The following BABAM2 variants were observed in gnomAD, a reference collection of about 807,000 sequenced individuals.
The protein encoded by BABAM2 is BRISC and BRCA1-A complex member 2.
Under a neutral mutation model 54.7 loss-of-function variants are expected in BABAM2, and 31 were observed. The ratio of observed to expected loss-of-function variants is 0.57; its 90% CI spans 0.43 to 0.77. BABAM2 has a LOEUF of 0.77. Among genes scored for constraint, BABAM2 ranks in the 30% least tolerant of loss-of-function variants. The pLI is 0.00. For synonymous variants in BABAM2, 167 were observed against 162.9 expected, an observed-to-expected ratio of 1.03 and a Z score of -0.19; for missense variants, 364 against 455.8, an observed-to-expected ratio of 0.80 and a Z score of 1.83.
intron 6 of BABAM2, among the ~76,000 whole-genome samples, chr2:28,051,068 T>G (rs565440629): frequency 1.3e-5 from 2 of 152,328 alleles, no homozygotes; most frequent in South Asian, 4.2e-4. Context: ...AAGAGCTATT[T>G]CCTTGGCCCC....
At chr2:28,167,092 A>C (rs1207948694) in intron 7 of BABAM2, among the ~76,000 whole-genome samples, 1 of 152,164 alleles carries the variant, frequency 6.6e-6, no homozygotes, top group Non-Finnish European at 1.5e-5. Context: ...GAGAAGATAA[A>C]CTTTTCAGGA....
At chr2:27,956,484 G>A (rs1473826539) in intron 3 of BABAM2, among the ~76,000 whole-genome samples, 1 of 152,188 alleles carries the variant, frequency 6.6e-6, no homozygotes, top group African/African-American at 2.4e-5. Flanking sequence ...AATTCTAGGA[G>A]CAAGAATCCT....
chr2:28,327,067 G>A (rs1335912059), intron 11 of BABAM2, among the ~76,000 whole-genome samples: 1 of 152,230 alleles, frequency 6.6e-6, no homozygotes, highest in Non-Finnish European at 1.5e-5. Context: ...TACGACCCAT[G>A]GGCTTTGCCC....
Position 28,304,692 on chromosome 2 carries a change from C to T in BABAM2, c.1088+6201C>T, listed in dbSNP as rs60183653. 0.53 allele frequency among the ~76,000 whole-genome samples: 80,772 copies of T among 151,954 alleles called. 21,735 individuals carry two copies. Among genetic ancestry groups the T allele is most frequent in the Middle Eastern group, 0.63 (186 of 294 alleles). ...CCAGGTTCTAGCAATTCTCCTGCTT[C>T]AGCCTCTTAAGTAGCTGGGACTACA... On this transcript the variant is annotated intron_variant, in intron 11 of 11. Transcript: ENST00000379624. The surrounding 1 kb of genome is among the most constrained non-coding windows in gnomAD (Gnocchi z 4.0).
intron 7 of BABAM2, among the ~76,000 whole-genome samples, chr2:28,156,992 A>C (rs1425951371): frequency 2.0e-5 from 3 of 152,234 alleles, no homozygotes; most frequent in Non-Finnish European, 2.9e-5. Context: ...TCTCTTTAGA[A>C]AACAAATGTA....
At chr2:27,973,981 C>A (rs1345984178) in intron 3 of BABAM2, among the ~76,000 whole-genome samples, 1 of 152,080 alleles carries the variant, frequency 6.6e-6, no homozygotes, top group Non-Finnish European at 1.5e-5. Flanking sequence ...GATAAACTAT[C>A]AAGATTCACT....
chr2:28,324,687 C>T (rs1690298477), intron 11 of BABAM2, among the ~76,000 whole-genome samples: 1 of 150,950 alleles, frequency 6.6e-6, no homozygotes, highest in African/African-American at 2.4e-5. Context: ...CCTAGCTACT[C>T]GGGAGGCTGA....
intron 7 of BABAM2, among the ~76,000 whole-genome samples, chr2:28,150,152 CT>C (rs1020108114): frequency 6.6e-6 from 1 of 152,130 alleles, no homozygotes; most frequent in Non-Finnish European, 1.5e-5. Context: ...TTGCAAAAAC[CT>C]TGTGGAGTAG....
At chr2:28,208,080 C>T (rs1351882209) in intron 7 of BABAM2, among the ~76,000 whole-genome samples, 1 of 151,140 alleles carries the variant, frequency 6.6e-6, no homozygotes, top group East Asian at 1.9e-4. Context: ...CATGCGCACA[C>T]ACTTTTGAGA....
At chr2:28,169,599 A>G (rs958047230) in intron 7 of BABAM2, among the ~76,000 whole-genome samples, 2 of 152,080 alleles carry the variant, frequency 1.3e-5, no homozygotes, top group African/African-American at 4.8e-5. Flanking sequence ...CAACATAACA[A>G]GGCTTATCTG....
At chr2:28,185,274 C>T (rs1275750803) in intron 7 of BABAM2, among the ~76,000 whole-genome samples, 1 of 152,140 alleles carries the variant, frequency 6.6e-6, no homozygotes, top group Non-Finnish European at 1.5e-5. Flanking sequence ...CAGCCGTACA[C>T]CTGAACTCCA....
At chr2:28,039,727 G>GATTTTTT in intron 5 of BABAM2, among the ~76,000 whole-genome samples, 1 of 152,244 alleles carries the variant, frequency 6.6e-6, no homozygotes, top group East Asian at 1.9e-4. Flanking sequence ...TGTCACAGCT[G>GATTTTTT]TGATTACCAA....
chr2:28,273,879 A>AAAC lies in BABAM2; in HGVS notation c.935-24457_935-24456insCAA, dbSNP rs1220034519. On this transcript the variant is annotated intron_variant, in intron 10 of 11. Transcript: ENST00000379624. ...CCGAGATTCAGCTTCCTCGTCTGTG[A>AAAC]AATGAGATTGACACTTACCCTGCCT... 3.9e-5 allele frequency among the ~76,000 whole-genome samples: 6 copies of AAAC among 152,318 alleles called. No individual in the cohort carries two copies. The East Asian group carries it at 1.2e-3, about 29-fold the overall frequency.
At chr2:28,279,122 G>A (rs898600374) in intron 10 of BABAM2, among the ~76,000 whole-genome samples, 7 of 152,196 alleles carry the variant, frequency 4.6e-5, no homozygotes, top group African/African-American at 1.4e-4. Flanking sequence ...GTGGAAGAGA[G>A]GTTGGAATTC....
intron 7 of BABAM2, among the ~76,000 whole-genome samples, chr2:28,180,253 T>C (rs1298527436): frequency 6.6e-6 from 1 of 152,050 alleles, no homozygotes; most frequent in Non-Finnish European, 1.5e-5. Context: ...AGCATGATAC[T>C]GGTATGAAAC....
At chr2:28,234,552 C>G (rs779274925) in intron 7 of BABAM2, among the ~76,000 whole-genome samples, 20 of 152,224 alleles carry the variant, frequency 1.3e-4, no homozygotes, top group Non-Finnish European at 2.5e-4. Flanking sequence ...TTATATAAGT[C>G]AAAGCCTATT....
At chr2:28,193,891 C>G (rs1159409739) in intron 7 of BABAM2, among the ~76,000 whole-genome samples, 1 of 152,162 alleles carries the variant, frequency 6.6e-6, no homozygotes, top group African/African-American at 2.4e-5. Flanking sequence ...AGGAAGAAGA[C>G]AGATGAGTCA....
chr2:28,287,479 C>T (rs1051239512), intron 10 of BABAM2, among the ~76,000 whole-genome samples: 3 of 152,206 alleles, frequency 2.0e-5, no homozygotes, highest in African/African-American at 7.2e-5. Context: ...TAATCAATGC[C>T]AGTTAGTCAC....
chr2:27,907,135 T>G (rs1666238288), intron 2 of BABAM2, among the ~76,000 whole-genome samples: 1 of 152,222 alleles, frequency 6.6e-6, no homozygotes, highest in African/African-American at 2.4e-5. Context: ...GAATTAATTT[T>G]GTAATCTTCC....
Sources: gnomAD v4.1 joint callset for allele counts (sites outside exome capture counted in the v4.1 genomes callset) on GRCh38, gnomAD v4.1.1 for gene constraint, Gnocchi (gnomAD v3.1) non-coding constraint, MANE v1.5 for transcripts, NCBI Gene and HGNC (gene_info 2026-07-23, HGNC 2026-07-21) for gene names.